ZNF248: variants seen among roughly 807,000 people sequenced by gnomAD.
The protein encoded by ZNF248 is KRAB protein domain.
In ZNF248, 20 loss-of-function variants were observed where a neutral mutation model predicts 44.3. That is an observed-to-expected ratio of 0.45 (90% CI 0.32 to 0.66). The LOEUF (loss-of-function observed/expected upper bound fraction) is 0.66, where lower values mean the gene tolerates loss of function less well. Among genes scored for constraint, ZNF248 ranks in the 30% least tolerant of loss-of-function variants. The pLI, the probability that ZNF248 is intolerant of heterozygous loss-of-function variation, is 0.04. For synonymous variants in ZNF248, 224 were observed against 229.0 expected, an observed-to-expected ratio of 0.98 and a Z score of 0.20; for missense variants, 654 against 677.0, an observed-to-expected ratio of 0.97 and a Z score of 0.38.
At chr10:37,839,189 T>C (rs2057826928) in intron 3 of ZNF248, among the ~76,000 whole-genome samples, 1 of 152,166 alleles carries the variant, frequency 6.6e-6, no homozygotes, top group South Asian at 2.1e-4. Flanking sequence ...ACCAAATGTC[T>C]AGTGAGTTTC....
chr10:37,806,747 G>A (rs1351536914), intron 6 of ZNF248, among the ~76,000 whole-genome samples: 1 of 151,944 alleles, frequency 6.6e-6, no homozygotes, highest in Non-Finnish European at 1.5e-5. Context: ...TATAAATTTT[G>A]ATAAAGTAAA....
chr10:37,761,075 G>A, the ZNF248 span, among the ~76,000 whole-genome samples: 1 of 152,146 alleles, frequency 6.6e-6, no homozygotes, highest in African/African-American at 2.4e-5. Flanking sequence ...CCTTTCAAAT[G>A]TCCATATGGT....
Position 37,828,825 on chromosome 10 carries a change from A to G in ZNF248, c.*2790T>C. 1.0e-6 allele frequency: 1 copy of G among 985,376 alleles called. No individual in the cohort carries two copies. The allele number at this position is 985,376 out of a possible 1,614,324, so 61.0% of individuals were successfully genotyped here. A position where few individuals can be genotyped will look rare whatever the true frequency, so the allele number is the denominator to read the frequency against. On this transcript the variant is annotated 3_prime_UTR_variant, in exon 6 of 6. Coordinates refer to ENST00000395867, the MANE Select transcript of ZNF248 (RefSeq NM_021045.3). Reference sequence around the variant, plus strand: ...AGCTGCTTACCTTACACCACATACAATAAGAAACACCACAGGGAGGTATGA... The same window carrying G: ...AGCTGCTTACCTTACACCACATACAGTAAGAAACACCACAGGGAGGTATGA...
intron 5 of ZNF248, among the ~76,000 whole-genome samples, chr10:37,833,555 C>T (rs957629285): frequency 2.0e-4 from 31 of 152,262 alleles, no homozygotes; most frequent in Non-Finnish European, 3.4e-4. Flanking sequence ...CAAAACAGAG[C>T]TTGGTCCTAA....
intron 6 of ZNF248, among the ~76,000 whole-genome samples, chr10:37,804,126 A>AG: frequency 7.8e-6 from 1 of 127,638 alleles, no homozygotes; most frequent in South Asian, 2.4e-4. Context: ...TTTTTGAGAC[A>AG]GGGTTTCTCT....
At chr10:37,804,101 CTTTT>C (rs59261731) in intron 6 of ZNF248, among the ~76,000 whole-genome samples, 1 of 124,924 alleles carries the variant, frequency 8.0e-6, no homozygotes, top group Non-Finnish European at 1.6e-5. Context: ...TTTTCTTTTT[CTTTT>C]TTTTTTTTTT....
chr10:37,824,744 C>T (rs1280712749), downstream of ZNF248, among the ~76,000 whole-genome samples: 8 of 114,050 alleles, frequency 7.0e-5, no homozygotes, highest in East Asian at 9.3e-4. Flanking sequence ...TGGAGCGGCG[C>T]GATCTCGGCT....
chr10:37,763,928 G>A, the ZNF248 span, among the ~76,000 whole-genome samples: 2 of 152,138 alleles, frequency 1.3e-5, no homozygotes, highest in African/African-American at 2.4e-5. Flanking sequence ...TTCATAAGCT[G>A]AGGATGTATG....
intron 3 of ZNF248, among the ~76,000 whole-genome samples, chr10:37,845,459 G>C (rs1425765499): frequency 6.8e-6 from 1 of 146,530 alleles, no homozygotes; most frequent in Non-Finnish European, 1.5e-5. Context: ...ATAAACAAAA[G>C]CTAAAACAAA....
the ZNF248 span, among the ~76,000 whole-genome samples, chr10:37,769,888 C>G: frequency 6.6e-6 from 1 of 152,228 alleles, no homozygotes; most frequent in East Asian, 1.9e-4. Context: ...TGTCTCAGCC[C>G]AAAATCTCCT....
downstream of ZNF248, among the ~76,000 whole-genome samples, chr10:37,824,021 T>C (rs866632462): frequency 2.6e-5 from 4 of 152,184 alleles, no homozygotes; most frequent in South Asian, 2.1e-4. Context: ...AAGATGTATA[T>C]ATAGAAAGAG....
chr10:37,767,672 G>T, the ZNF248 span, among the ~76,000 whole-genome samples: 1 of 152,134 alleles, frequency 6.6e-6, no homozygotes, highest in East Asian at 1.9e-4. Context: ...GCAAAAACAT[G>T]CCAAAATGTA....
At chr10:37,762,843 G>A in the ZNF248 span, among the ~76,000 whole-genome samples, 2 of 152,242 alleles carry the variant, frequency 1.3e-5, no homozygotes, top group South Asian at 4.1e-4. Context: ...ATAGTACAAT[G>A]AGCATTACCA....
chr10:37,792,207 C>G (rs1316870433), intron 6 of ZNF248, among the ~76,000 whole-genome samples: 2 of 152,180 alleles, frequency 1.3e-5, no homozygotes, highest in Admixed American at 6.5e-5. Context: ...TGCAGTTGAG[C>G]CTGTCCTATG....
intron 3 of ZNF248, among the ~76,000 whole-genome samples, chr10:37,846,744 A>T (rs1263261728): frequency 1.3e-5 from 2 of 152,218 alleles, no homozygotes; most frequent in African/African-American, 2.4e-5. Flanking sequence ...AGCAAAACAT[A>T]AGCATCAATC....
the ZNF248 span, among the ~76,000 whole-genome samples, chr10:37,769,072 G>A: frequency 6.6e-6 from 1 of 152,144 alleles, no homozygotes; most frequent in East Asian, 1.9e-4. Context: ...ACTAAACCAG[G>A]AAGAAGTTGA....
At position 37,797,257 on chromosome 10, in the gene ZNF248, T is replaced by C. The variant is rs546080350; in HGVS notation, c.331-20682A>G. 2.0e-5 allele frequency among the ~76,000 whole-genome samples: 3 copies of C among 150,794 alleles called. No homozygotes were observed. In the East Asian group the frequency reaches 5.8e-4, roughly 29 times the overall value. Reference sequence around the variant, plus strand: ...GATATGTTTCAGGAGGCTTCAGGAATGAAGTTGGACCCCCTACCTCATGAT... The same window carrying C: ...GATATGTTTCAGGAGGCTTCAGGAACGAAGTTGGACCCCCTACCTCATGAT... On this transcript the variant is annotated intron_variant, in intron 6 of 6. Coordinates refer to the ZNF248 transcript ENST00000615949.
chr10:37,768,427 G>A, the ZNF248 span, among the ~76,000 whole-genome samples: 3 of 152,128 alleles, frequency 2.0e-5, no homozygotes. Flanking sequence ...CTGTCTCTCA[G>A]ACCACGGTGT....
downstream of ZNF248, chr10:37,775,641 G>C (rs192550137): frequency 2.6e-5 from 4 of 152,220 alleles, no homozygotes; most frequent in Admixed American, 2.0e-4. Flanking sequence ...ACTTCCTAAT[G>C]GTCAATTTCA....
Sources: gnomAD v4.1 joint callset for allele counts (sites outside exome capture counted in the v4.1 genomes callset) on GRCh38, gnomAD v4.1.1 for gene constraint, MANE v1.5 for transcripts, NCBI Gene and HGNC (gene_info 2026-07-23, HGNC 2026-07-21) for gene names.